The following TPMT variants were observed in gnomAD, a reference collection of about 807,000 sequenced individuals.
The protein encoded by TPMT is thiopurine S-methyltransferase, also known as S-adenosyl-L-methionine:thiopurine S-methyltransferase.
TPMT carries 18 observed loss-of-function variants against 34.2 expected under a neutral mutation model. The observed-to-expected ratio is 0.53, with a 90% CI of 0.36 to 0.78. The LOEUF (loss-of-function observed/expected upper bound fraction) is 0.78, where lower values mean the gene tolerates loss of function less well. Among genes scored for constraint, TPMT ranks in the 30% least tolerant of loss-of-function variants. The pLI is 0.00. For synonymous variants in TPMT, 69 were observed against 92.4 expected (o/e 0.75, Z 1.45); for missense variants, 265 against 288.1 (o/e 0.92, Z 0.58).
At position 18,131,002 on chromosome 6, in the gene TPMT, G is replaced by A. The variant is rs1783930230; in HGVS notation, c.626-222C>T. ...AAAAATACAAAATGAGCTGGGTATG[G>A]TGGCACATGCCTGTAATCCCAGCTA... is the stretch of plus-strand genomic sequence containing the variant. On this transcript the variant is annotated intron_variant, in intron 8 of 8. Transcript: ENST00000309983. The surrounding 1 kb of genome is among the most constrained non-coding windows in gnomAD (Gnocchi z 4.3). Among the ~76,000 whole-genome samples the A allele has an allele frequency of 6.6e-6, 1 of 151,908 alleles. No individual in the cohort carries two copies. Among genetic ancestry groups the A allele is most frequent in the African/African-American group, 2.4e-5 (1 of 41,228 alleles).
chr6:18,137,089 A>C (rs1784055300), intron 6 of TPMT, among the ~76,000 whole-genome samples: 1 of 152,034 alleles, frequency 6.6e-6, no homozygotes, highest in Non-Finnish European at 1.5e-5. Flanking sequence ...AATTTTTAAA[A>C]ATAAAAATCT....
Position 18,149,228 on chromosome 6 carries a change from A to T in TPMT, c.-44-57T>A, listed in dbSNP as rs1008282394. On this transcript the variant is annotated intron_variant, in intron 1 of 8. Transcript: ENST00000309983. This position sits in a 1 kb window ranked among gnomAD's most constrained non-coding sequence, Gnocchi z 5.0. ...TAAGGTCATTGGAATTCTATTGATG[A>T]ACTAAATGAAAACCTATTATTCTTA... The T allele has an allele frequency of 7.2e-7, 1 of 1,388,998 alleles. No homozygotes were observed. The highest frequency in any genetic ancestry group is 1.4e-5 in the African/African-American group (1 of 70,450). 86.0% of individuals were successfully genotyped at this position (1,388,998 alleles called of 1,614,324 possible). A position where few individuals can be genotyped will look rare whatever the true frequency, so the allele number is the denominator to read the frequency against.
intron 6 of TPMT, among the ~76,000 whole-genome samples, chr6:18,137,571 G>A (rs983370795): frequency 4.6e-5 from 7 of 152,168 alleles, no homozygotes; most frequent in East Asian, 1.9e-4. Flanking sequence ...TACTCAGTAT[G>A]CTTCCTCACT....
chr6:18,146,242 ACT>A lies in TPMT; in HGVS notation c.233+1579_233+1580del, dbSNP rs1165890445. Among the ~76,000 whole-genome samples, 5 of 151,726 alleles carry A rather than the reference ACT, an allele frequency of 3.3e-5. No homozygotes were observed. Among genetic ancestry groups the A allele is most frequent in the Admixed American group, 6.6e-5 (1 of 15,212 alleles). ...ATATATTTTTTGGAGACAGAGTCTC[ACT>A]CTGTCACCTAGGCTGGAGTGCATGG... On this transcript the variant is annotated intron_variant, in intron 3 of 8. Coordinates refer to ENST00000309983, the MANE Select transcript of TPMT (RefSeq NM_000367.5). This position sits in a 1 kb window ranked among gnomAD's most constrained non-coding sequence, Gnocchi z 6.2.
chr6:18,129,148 T>C lies in TPMT; in HGVS notation c.*1520A>G, dbSNP rs1783886573. On this transcript the variant is annotated 3_prime_UTR_variant, in exon 9 of 9. Coordinates refer to ENST00000309983, the MANE Select transcript of TPMT (RefSeq NM_000367.5). The stretch of plus-strand genomic sequence containing the variant: ...TCGGGTTAGTTGTCCATTCAACCGG[T>C]GATACAGGCAGAGTTGGGGAGTCAT... 1.3e-5 allele frequency: 2 copies of C among 152,296 alleles called. No individual in the cohort carries two copies. Among genetic ancestry groups the C allele is most frequent in the African/African-American group, 4.8e-5 (2 of 41,556 alleles). The allele number at this position is 152,296 out of a possible 1,614,324, so 9.4% of individuals were successfully genotyped here.
At position 18,143,090 on chromosome 6, in the gene TPMT, CTCTA is replaced by C. The variant is rs1026617889; in HGVS notation, c.366+502_366+505del. Among the ~76,000 whole-genome samples, 10 of 152,308 alleles carry C rather than the reference CTCTA, an allele frequency of 6.6e-5. No homozygotes were observed. The highest frequency in any genetic ancestry group is 2.2e-4 in the African/African-American group (9 of 41,584). ...GGACCCAGGCCCTGCCTGATTCCAG[CTCTA>C]TCTGTCACCATGCTTCAGGAAGCAC... On this transcript the variant is annotated intron_variant, in intron 4 of 8. Transcript: ENST00000309983. The surrounding 1 kb of genome is among the most constrained non-coding windows in gnomAD (Gnocchi z 6.1).
rs777235509 is a variant in TPMT at position 18,130,736 on chromosome 6, CA to C, written c.669del (p.Phe223LeufsTer25). On this transcript the variant is annotated frameshift_variant, in exon 9 of 9. Coordinates refer to ENST00000309983, the MANE Select transcript of TPMT (RefSeq NM_000367.5). LOFTEE classifies it high-confidence loss of function. The surrounding 1 kb of genome is among the most constrained non-coding windows in gnomAD (Gnocchi z 4.2). ...NIRCLEKVDA[F>X]EERHKSWGID... ...ATTCCCCAACTTTTATGTCGTTCTT[CA>C]AAAGCATCAACCTTCTCAAGACAAC... 1.1e-5 allele frequency: 18 copies of C among 1,613,622 alleles called. No individual in the cohort carries two copies. Among genetic ancestry groups the C allele is most frequent in the Non-Finnish European group, 1.5e-5 (18 of 1,179,934 alleles).
intron 1 of TPMT, among the ~76,000 whole-genome samples, chr6:18,151,573 G>GATTGATTGATTT (rs1415941448): frequency 3.3e-4 from 47 of 143,286 alleles, no homozygotes; most frequent in Non-Finnish European, 5.5e-4. Flanking sequence ...TGGAAACCTA[G>GATTGATTGATTT]ATTTATTTAT....
At position 18,136,066 on chromosome 6, in the gene TPMT, G is replaced by C. The variant is rs1187691090; in HGVS notation, c.495-2177C>G. 2.8e-4 allele frequency among the ~76,000 whole-genome samples: 43 copies of C among 152,236 alleles called. No individual in the cohort carries two copies. ...CCCACCTCAGCCTCCCAAAGTGCTGGGTCCGCTCTTGGTCTGCACGTGGTG... is the reference window on the plus strand; with the variant it reads ...CCCACCTCAGCCTCCCAAAGTGCTGCGTCCGCTCTTGGTCTGCACGTGGTG... On this transcript the variant is annotated intron_variant, in intron 6 of 8. Transcript: ENST00000309983. The surrounding 1 kb of genome is among the most constrained non-coding windows in gnomAD (Gnocchi z 4.7).
chr6:18,154,614 A>T lies in TPMT; in HGVS notation c.-45+419T>A, dbSNP rs927895756. Among the ~76,000 whole-genome samples, 13 of 152,214 alleles carry T rather than the reference A, an allele frequency of 8.5e-5. No homozygotes were observed. The highest frequency in any genetic ancestry group is 1.9e-4 in the East Asian group (1 of 5,160). On this transcript the variant is annotated intron_variant, in intron 1 of 8. Coordinates refer to ENST00000309983, the MANE Select transcript of TPMT (RefSeq NM_000367.5). The surrounding 1 kb of genome is among the most constrained non-coding windows in gnomAD (Gnocchi z 4.2). Reference sequence around the variant, plus strand: ...CGAGAGTCCGTTTCTATAAAAAAAAATTTGAAAAATTAGCCAAGCGTGGTG... The same window carrying T: ...CGAGAGTCCGTTTCTATAAAAAAAATTTTGAAAAATTAGCCAAGCGTGGTG...
chr6:18,135,321 T>C lies in TPMT; in HGVS notation c.495-1432A>G, dbSNP rs765605692. ...GGTTTCCTAGGACTGAAAGACTTCA[T>C]TCCTCTTAGAATGTGAAGTTTTTCT... On this transcript the variant is annotated intron_variant, in intron 6 of 8. Coordinates refer to ENST00000309983, the MANE Select transcript of TPMT (RefSeq NM_000367.5). This position sits in a 1 kb window ranked among gnomAD's most constrained non-coding sequence, Gnocchi z 5.0. Among the ~76,000 whole-genome samples the C allele has an allele frequency of 3.3e-5, 5 of 152,196 alleles. No individual in the cohort carries two copies.
chr6:18,155,169 T>TCCTTC (rs1784480457), upstream of TPMT: 1 of 62,654 alleles, frequency 1.6e-5, no homozygotes, highest in African/African-American at 7.4e-5. The surrounding 1 kb of genome is among the most constrained non-coding windows in gnomAD (Gnocchi z 6.2). Context: ...GCGCCCCGCC[T>TCCTTC]CCGCCCGCGC....
At position 18,154,006 on chromosome 6, in the gene TPMT, C is replaced by T. The variant is rs1784415384; in HGVS notation, c.-45+1027G>A. Reference sequence around the variant, plus strand: ...GGTGTAATGACACTTCCGTCTCCAACACTGGGGCTCAAGCGATCCTCTCAC... The same window carrying T: ...GGTGTAATGACACTTCCGTCTCCAATACTGGGGCTCAAGCGATCCTCTCAC... On this transcript the variant is annotated intron_variant, in intron 1 of 8. Coordinates refer to ENST00000309983, the MANE Select transcript of TPMT (RefSeq NM_000367.5). The surrounding 1 kb of genome is among the most constrained non-coding windows in gnomAD (Gnocchi z 4.2). Among the ~76,000 whole-genome samples, 1 of 152,182 alleles carries T rather than the reference C, an allele frequency of 6.6e-6. No homozygotes were observed. The highest frequency in any genetic ancestry group is 1.5e-5 in the Non-Finnish European group (1 of 68,030).
rs541774513 is a variant in TPMT at position 18,128,591 on chromosome 6, G to A, written c.*2077C>T. The A allele has an allele frequency of 2.6e-5, 4 of 152,376 alleles. No individual in the cohort carries two copies. The South Asian group carries it at 8.3e-4, about 32-fold the overall frequency. The allele number at this position is 152,376 out of a possible 1,614,324, so 9.4% of individuals were successfully genotyped here. On this transcript the variant is annotated 3_prime_UTR_variant, in exon 9 of 9. Transcript: ENST00000309983. This position sits in a 1 kb window ranked among gnomAD's most constrained non-coding sequence, Gnocchi z 4.6. ...CCCAGGACGCAGGTGGCCTCTCTTT[G>A]GTTCTCATCTCTTTCTGCAGATCAG...
rs1783962781 is a variant in TPMT, at chr6:18,132,359, C to G, written c.581-182G>C. ...GAGGATGGCAATGTTACATCCCCATCATATCCATCTTTAGCTTAGATGAGA... is the reference window on the plus strand; with the variant it reads ...GAGGATGGCAATGTTACATCCCCATGATATCCATCTTTAGCTTAGATGAGA... On this transcript the variant is annotated intron_variant, in intron 7 of 8. Transcript: ENST00000309983. The surrounding 1 kb of genome is among the most constrained non-coding windows in gnomAD (Gnocchi z 4.8). Among the ~76,000 whole-genome samples, 1 of 152,194 alleles carries G rather than the reference C, an allele frequency of 6.6e-6. No individual in the cohort carries two copies. The highest frequency in any genetic ancestry group is 2.4e-5 in the African/African-American group (1 of 41,452).
chr6:18,144,568 G>A (rs1033389571), intron 3 of TPMT, among the ~76,000 whole-genome samples: 11 of 151,774 alleles, frequency 7.2e-5, no homozygotes, highest in Admixed American at 1.3e-4. Flanking sequence ...TAGTAGAGAC[G>A]GGGTTTCACC....
intron 1 of TPMT, among the ~76,000 whole-genome samples, chr6:18,151,508 A>C (rs1784353942): frequency 6.6e-6 from 1 of 152,088 alleles, no homozygotes; most frequent in African/African-American, 2.4e-5. Flanking sequence ...AAATGAATGA[A>C]GGCAAAGAAT....
rs775734301 is a variant in TPMT at position 18,147,782 on chromosome 6, A to T, written c.233+41T>A. 9.6e-6 allele frequency: 15 copies of T among 1,560,598 alleles called. No individual in the cohort carries two copies. In the South Asian group the frequency reaches 1.6e-4, roughly 16 times the overall value. ...TGTTAAATCACCCAAAGAATTCATC[A>T]TTAAGGCAAGATAATTCTGTTAATG... On this transcript the variant is annotated intron_variant, in intron 3 of 8. Coordinates refer to ENST00000309983, the MANE Select transcript of TPMT (RefSeq NM_000367.5).
At chr6:18,144,814 G>A (rs1420374339) in intron 3 of TPMT, among the ~76,000 whole-genome samples, 1 of 151,660 alleles carries the variant, frequency 6.6e-6, no homozygotes, top group South Asian at 2.1e-4. Context: ...TCCACCTCCC[G>A]AGTTCAACCA....
Sources: gnomAD v4.1 joint callset for allele counts (sites outside exome capture counted in the v4.1 genomes callset) on GRCh38, gnomAD v4.1.1 for gene constraint, Gnocchi (gnomAD v3.1) non-coding constraint, MANE v1.5 for transcripts, NCBI Gene and HGNC (gene_info 2026-07-23, HGNC 2026-07-21) for gene names.